Variants in ANKRD28 observed in about 807,000 individuals in gnomAD.
ANKRD28 encodes ankyrin repeat domain 28.
In ANKRD28, 44 loss-of-function variants were observed where a neutral mutation model predicts 126.5. The ratio of observed to expected loss-of-function variants is 0.35; its 90% CI spans 0.27 to 0.45. The LOEUF (loss-of-function observed/expected upper bound fraction) is 0.45, where lower values mean the gene tolerates loss of function less well. Among genes scored for constraint, ANKRD28 ranks in the 20% least tolerant of loss-of-function variants. ANKRD28 has a pLI of 1.00. For synonymous variants in ANKRD28, 442 were observed against 468.5 expected (o/e 0.94, Z 0.73); for missense variants, 1,110 against 1,316.6 (o/e 0.84, Z 2.43).
At chr3:15,673,059 G>C (rs900106881) in intron 27 of ANKRD28, among the ~76,000 whole-genome samples, 1 of 152,346 alleles carries the variant, frequency 6.6e-6, no homozygotes, top group South Asian at 2.1e-4. Context: ...CCATAGGCAT[G>C]GGCCACCATG....
chr3:15,829,180 AATTT>A (rs1170388840), intron 1 of ANKRD28, among the ~76,000 whole-genome samples: 7 of 152,140 alleles, frequency 4.6e-5, no homozygotes, highest in South Asian at 2.1e-4. Context: ...TATTATTTTT[AATTT>A]ATTTACTAAT....
intron 3 of ANKRD28, among the ~76,000 whole-genome samples, chr3:15,757,160 G>T (rs553508481): frequency 5.3e-5 from 8 of 152,170 alleles, no homozygotes; most frequent in African/African-American, 1.7e-4. Flanking sequence ...TTATTTTATT[G>T]TAAGAATACA....
chr3:15,824,440 G>A (rs1224536898), intron 1 of ANKRD28, among the ~76,000 whole-genome samples: 1 of 152,150 alleles, frequency 6.6e-6, no homozygotes, highest in Admixed American at 6.6e-5. Flanking sequence ...ATAGGTGTGA[G>A]CTACTATGCT....
intron 1 of ANKRD28, among the ~76,000 whole-genome samples, chr3:15,858,103 C>A (rs1183326848): frequency 3.3e-5 from 5 of 152,204 alleles, no homozygotes; most frequent in African/African-American, 1.2e-4. Context: ...TCTGTCCTAT[C>A]CAATACAATA....
intron 2 of ANKRD28, among the ~76,000 whole-genome samples, chr3:15,794,915 C>A (rs1268418722): frequency 6.6e-6 from 1 of 152,032 alleles, no homozygotes; most frequent in Non-Finnish European, 1.5e-5. Flanking sequence ...ATACAGAAAG[C>A]AAATGTGGCA....
intron 1 of ANKRD28, among the ~76,000 whole-genome samples, chr3:15,804,939 T>C (rs1197136183): frequency 4.1e-5 from 6 of 144,980 alleles, no homozygotes. Flanking sequence ...GGCAGACTAG[T>C]AACATTTTAA....
At chr3:15,784,330 T>C (rs1237947259) in intron 2 of ANKRD28, among the ~76,000 whole-genome samples, 1 of 152,034 alleles carries the variant, frequency 6.6e-6, no homozygotes, top group Non-Finnish European at 1.5e-5. Flanking sequence ...TGCTCATGTA[T>C]GCTTATATGT....
intron 17 of ANKRD28, among the ~76,000 whole-genome samples, chr3:15,693,463 T>A (rs1323974752): frequency 6.6e-6 from 1 of 152,024 alleles, no homozygotes; most frequent in Non-Finnish European, 1.5e-5. Flanking sequence ...GGAAACAACA[T>A]CATTAAACTG....
chr3:15,774,673 A>T (rs1413595868), intron 2 of ANKRD28, among the ~76,000 whole-genome samples: 2 of 152,148 alleles, frequency 1.3e-5, no homozygotes, highest in African/African-American at 2.4e-5. Flanking sequence ...AACTATTTTT[A>T]AAAAACTGAA....
chr3:15,750,895 T>C (rs569302445), intron 4 of ANKRD28, among the ~76,000 whole-genome samples: 106 of 152,292 alleles, frequency 7.0e-4, no homozygotes, highest in Admixed American at 4.3e-3. Flanking sequence ...ACTTATACTA[T>C]CACATACTTT....
chr3:15,762,110 T>C (rs2058488057), intron 3 of ANKRD28, among the ~76,000 whole-genome samples: 1 of 142,996 alleles, frequency 7.0e-6, no homozygotes, highest in Non-Finnish European at 1.5e-5. Context: ...CATTTGAACC[T>C]GGTAGGTGGA....
Position 15,689,982 on chromosome 3 carries a change from G to T in ANKRD28, c.1963+37C>A, listed in dbSNP as rs755639816. 7.0e-5 allele frequency: 106 copies of T among 1,515,606 alleles called. 7 individuals are homozygous for T. The highest frequency in any genetic ancestry group is 3.1e-4 in the East Asian group (13 of 41,854). The allele number at this position is 1,515,606 out of a possible 1,614,324, so 93.9% of individuals were successfully genotyped here. On this transcript the variant is annotated intron_variant, in intron 18 of 27. Transcript: ENST00000683139. ...AGAAATTGAAAAAAAGTATTGGATA[G>T]AAGTTATAAATAAATCAAGCATAAT...
At chr3:15,708,893 C>T (rs1010606097) in intron 13 of ANKRD28, among the ~76,000 whole-genome samples, 1 of 152,176 alleles carries the variant, frequency 6.6e-6, no homozygotes, top group African/African-American at 2.4e-5. Flanking sequence ...GACATACACC[C>T]TTCCTTCTCA....
At chr3:15,828,657 G>C (rs1448248996) in intron 1 of ANKRD28, among the ~76,000 whole-genome samples, 1 of 139,326 alleles carries the variant, frequency 7.2e-6, no homozygotes, top group Non-Finnish European at 1.5e-5. Context: ...ATTAGTATCT[G>C]GGGGGGTGGG....
Position 15,815,317 on chromosome 3 carries a change from T to C in ANKRD28, c.28-20011A>G, listed in dbSNP as rs369301396. ...TGGGGCCAACCACATTTCTTTTGTT[T>C]TTCTTTTATGACAAAATTTTGCCCT... On this transcript the variant is annotated intron_variant, in intron 1 of 27. Coordinates refer to the ANKRD28 transcript ENST00000399451. The surrounding 1 kb of genome is among the most constrained non-coding windows in gnomAD (Gnocchi z 4.1). Among the ~76,000 whole-genome samples, 1 of 152,186 alleles carries C rather than the reference T, an allele frequency of 6.6e-6. No individual in the cohort carries two copies. Among genetic ancestry groups the C allele is most frequent in the African/African-American group, 2.4e-5 (1 of 41,444 alleles).
Position 15,838,026 on chromosome 3 carries a change from A to G in ANKRD28, c.27+21351T>C, listed in dbSNP as rs2061358587. Among the ~76,000 whole-genome samples, 1 of 152,152 alleles carries G rather than the reference A, an allele frequency of 6.6e-6. No homozygotes were observed. Among genetic ancestry groups the G allele is most frequent in the Admixed American group, 6.5e-5 (1 of 15,278 alleles). On this transcript the variant is annotated intron_variant, in intron 1 of 27. Transcript: ENST00000399451. This position sits in a 1 kb window ranked among gnomAD's most constrained non-coding sequence, Gnocchi z 4.0. ...AACAACTGTATACAAACAAATGTAA[A>G]CAACTTAGAAAAAAATAAATTCTAA...
chr3:15,684,935 G>A (rs1575136106), intron 21 of ANKRD28: 1 of 325,538 alleles, frequency 3.1e-6, no homozygotes, highest in East Asian at 7.8e-5. Flanking sequence ...ACCAGCCTGG[G>A]CAACATAGCA....
chr3:15,859,353 C>A, intron 1 of ANKRD28: 3 of 1,526,088 alleles, frequency 2.0e-6, no homozygotes, highest in Non-Finnish European at 1.8e-6. Context: ...ACGGCGCGAT[C>A]CCGCCCTGCA....
At chr3:15,806,954 T>C (rs527588401) in intron 1 of ANKRD28, among the ~76,000 whole-genome samples, 1 of 152,300 alleles carries the variant, frequency 6.6e-6, no homozygotes, top group African/African-American at 2.4e-5. Context: ...CTCAACTGGC[T>C]TAAACAAAGG....
Sources: allele counts gnomAD v4.1 joint callset (sites outside exome capture counted in the v4.1 genomes callset), GRCh38; gene constraint gnomAD v4.1.1; non-coding constraint Gnocchi (gnomAD v3.1); transcripts MANE v1.5; gene names NCBI Gene and HGNC (gene_info 2026-07-23, HGNC 2026-07-21).